The following GALNT13 variants were observed in gnomAD, a reference collection of about 807,000 sequenced individuals.
GALNT13 encodes polypeptide N-acetylgalactosaminyltransferase 13.
In GALNT13, 28 loss-of-function variants were observed where a neutral mutation model predicts 64.2. The observed-to-expected ratio is 0.44, with a 90% CI of 0.32 to 0.60. GALNT13 has a LOEUF of 0.60. Ranked by LOEUF, GALNT13 falls within the 20% of genes least tolerant of loss-of-function variation. The pLI is 0.05. For synonymous variants in GALNT13, 214 were observed against 224.6 expected, an observed-to-expected ratio of 0.95 and a Z score of 0.42; for missense variants, 577 against 669.8, an observed-to-expected ratio of 0.86 and a Z score of 1.53.
the GALNT13 span, among the ~76,000 whole-genome samples, chr2:153,773,451 A>C: frequency 2.7e-4 from 41 of 152,280 alleles, 1 homozygote; most frequent in African/African-American, 9.4e-4. Flanking sequence ...TTGCCACTTT[A>C]ATTTGAATAG....
chr2:153,508,912 G>A, the GALNT13 span, among the ~76,000 whole-genome samples: 192 of 152,252 alleles, frequency 1.3e-3, 1 homozygote, highest in African/African-American at 4.4e-3. Flanking sequence ...GGCATGTCAA[G>A]TTTCTGGGTT....
chr2:153,555,857 A>G, the GALNT13 span, among the ~76,000 whole-genome samples: 3 of 152,236 alleles, frequency 2.0e-5, no homozygotes, highest in African/African-American at 7.2e-5. Context: ...ATTACAGAAG[A>G]TTATAAGAAG....
intron 3 of GALNT13, among the ~76,000 whole-genome samples, chr2:154,044,649 G>A (rs1044809117): frequency 2.0e-5 from 3 of 152,152 alleles, no homozygotes; most frequent in Non-Finnish European, 4.4e-5. Context: ...AGAGAAACTA[G>A]ATGTTAGAGG....
intron 11 of GALNT13, among the ~76,000 whole-genome samples, chr2:154,410,106 G>C (rs949351510): frequency 6.6e-6 from 1 of 151,880 alleles, no homozygotes; most frequent in Non-Finnish European, 1.5e-5. Context: ...CTAAATTACA[G>C]CATGGGAAAT....
chr2:153,327,195 TG>T, the GALNT13 span, among the ~76,000 whole-genome samples: 1 of 152,228 alleles, frequency 6.6e-6, no homozygotes, highest in Non-Finnish European at 1.5e-5. Context: ...GGCTTCCCTC[TG>T]TGGGTAACCC....
At chr2:153,833,423 G>T in the GALNT13 span, among the ~76,000 whole-genome samples, 1 of 152,030 alleles carries the variant, frequency 6.6e-6, no homozygotes, top group African/African-American at 2.4e-5. Context: ...GAAAGTTCTA[G>T]ACTTAATAAG....
At chr2:153,791,954 T>C in the GALNT13 span, among the ~76,000 whole-genome samples, 6 of 152,086 alleles carry the variant, frequency 3.9e-5, no homozygotes, top group Admixed American at 3.9e-4. Context: ...AAAAAATAGC[T>C]ATTGAGTATT....
At chr2:153,742,894 T>C in the GALNT13 span, among the ~76,000 whole-genome samples, 1 of 151,334 alleles carries the variant, frequency 6.6e-6, no homozygotes, top group Non-Finnish European at 1.5e-5. Context: ...AGTGCAGTTG[T>C]TATTTTACAC....
chr2:154,334,286 C>T (rs776920196), intron 9 of GALNT13, among the ~76,000 whole-genome samples: 75 of 151,900 alleles, frequency 4.9e-4, no homozygotes, highest in Non-Finnish European at 6.0e-4. Context: ...TTTCTTTCTA[C>T]CTGCCTTATT....
chr2:153,754,799 T>C, the GALNT13 span, among the ~76,000 whole-genome samples: 2 of 152,126 alleles, frequency 1.3e-5, no homozygotes, highest in Admixed American at 6.6e-5. Flanking sequence ...TTCAAGTTTA[T>C]CAGAGCCCCG....
At chr2:153,912,864 C>G (rs897613121) in intron 2 of GALNT13, among the ~76,000 whole-genome samples, 1 of 152,152 alleles carries the variant, frequency 6.6e-6, no homozygotes, top group African/African-American at 2.4e-5. Flanking sequence ...AGGGCAGTGG[C>G]AGTGGAATCT....
chr2:154,192,245 G>A (rs1686630938), intron 4 of GALNT13, among the ~76,000 whole-genome samples: 1 of 152,128 alleles, frequency 6.6e-6, no homozygotes, highest in Non-Finnish European at 1.5e-5. Context: ...ATGTCCAGCC[G>A]CTTGTGTGCC....
At chr2:153,641,376 G>T in the GALNT13 span, among the ~76,000 whole-genome samples, 1 of 152,076 alleles carries the variant, frequency 6.6e-6, no homozygotes, top group Non-Finnish European at 1.5e-5. Flanking sequence ...CATTTAATTT[G>T]CATGGATAAT....
intron 2 of GALNT13, among the ~76,000 whole-genome samples, chr2:153,916,101 G>GTCCT (rs1470468667): frequency 1.3e-5 from 2 of 149,904 alleles, no homozygotes; most frequent in African/African-American, 4.9e-5. Context: ...CCTTCCTTCT[G>GTCCT]TCCTTCCTTC....
the GALNT13 span, among the ~76,000 whole-genome samples, chr2:153,190,966 G>A: frequency 6.6e-6 from 1 of 150,766 alleles, no homozygotes; most frequent in Non-Finnish European, 1.5e-5. Flanking sequence ...GATCTAAGAG[G>A]TTTTTTTAAG....
At chr2:153,235,912 G>A in the GALNT13 span, among the ~76,000 whole-genome samples, 4 of 152,206 alleles carry the variant, frequency 2.6e-5, no homozygotes, top group Non-Finnish European at 4.4e-5. Context: ...TAGACTGAAA[G>A]CTAGGCCTCT....
At chr2:153,505,841 G>T in the GALNT13 span, among the ~76,000 whole-genome samples, 1 of 152,108 alleles carries the variant, frequency 6.6e-6, no homozygotes, top group East Asian at 1.9e-4. Context: ...GCAGCTGTTG[G>T]TAGAATGTTC....
the GALNT13 span, among the ~76,000 whole-genome samples, chr2:153,287,424 G>A: frequency 2.0e-5 from 3 of 152,210 alleles, no homozygotes; most frequent in African/African-American, 7.2e-5. Flanking sequence ...TCTGTATCCT[G>A]GGTTCTTTAT....
chr2:154,441,422 GA>G (rs1227419815), intron 12 of GALNT13, among the ~76,000 whole-genome samples: 4 of 152,148 alleles, frequency 2.6e-5, no homozygotes, highest in Admixed American at 2.6e-4. Flanking sequence ...ATTATTCTTT[GA>G]AAAATCTCTG....
Sources: gnomAD v4.1 joint callset for allele counts (sites outside exome capture counted in the v4.1 genomes callset) on GRCh38, gnomAD v4.1.1 for gene constraint, MANE v1.5 for transcripts, NCBI Gene and HGNC (gene_info 2026-07-23, HGNC 2026-07-21) for gene names.